SDK1: variants seen among roughly 807,000 people sequenced by gnomAD.
SDK1 encodes sidekick cell adhesion molecule 1.
SDK1 carries 157 observed loss-of-function variants against 245.5 expected under a neutral mutation model. That is an observed-to-expected ratio of 0.64 (90% confidence interval 0.56 to 0.73). The LOEUF is 0.73. SDK1 is among the 30% of genes least tolerant of loss of function. The pLI, the probability that SDK1 is intolerant of heterozygous loss-of-function variation, is 0.00. For missense variants in SDK1, 3,583 were observed against 3,002.3 expected (o/e 1.19, Z -4.52); for synonymous variants, 1,647 against 1,278.5 (o/e 1.29, Z -6.15).
rs533558471 is a variant in SDK1, at chr7:3,700,223, T to C, written c.713+58118T>C. Among the ~76,000 whole-genome samples, 3 of 152,264 alleles carry C rather than the reference T, an allele frequency of 2.0e-5. No individual in the cohort carries two copies. The South Asian group carries it at 6.2e-4, about 32-fold the overall frequency. On this transcript the variant is annotated intron_variant, in intron 4 of 44. Transcript: ENST00000404826. Reference sequence around the variant, plus strand: ...GGTAAAGGAAGCACTCCATAAACGATTTTTTATTTTTATTAAGATGAGAGT... The same window carrying C: ...GGTAAAGGAAGCACTCCATAAACGACTTTTTATTTTTATTAAGATGAGAGT...
chr7:3,671,402 A>G (rs1051516334), intron 4 of SDK1, among the ~76,000 whole-genome samples: 12 of 152,248 alleles, frequency 7.9e-5, no homozygotes, highest in African/African-American at 1.7e-4. Flanking sequence ...AAATGGAATC[A>G]ATGTACATCT....
intron 4 of SDK1, among the ~76,000 whole-genome samples, chr7:3,672,757 T>TTATATATATACATATATATA (rs3086106): frequency 4.1e-5 from 1 of 24,470 alleles, no homozygotes; most frequent in African/African-American, 2.5e-4. Flanking sequence ...TAATATATAA[T>TTATATATATACATATATATA]TTTATATATA....
At chr7:3,964,432 A>T (rs571222407) in intron 9 of SDK1, among the ~76,000 whole-genome samples, 3 of 152,196 alleles carry the variant, frequency 2.0e-5, no homozygotes, top group African/African-American at 7.2e-5. Flanking sequence ...TGAATAGATC[A>T]CTCCTAATCT....
intron 4 of SDK1, among the ~76,000 whole-genome samples, chr7:3,810,313 G>A (rs1005438589): frequency 1.3e-5 from 2 of 151,994 alleles, no homozygotes; most frequent in East Asian, 3.9e-4. Context: ...CATGTATTCC[G>A]CACATTTTGT....
Position 3,951,778 on chromosome 7 carries a change from C to T in SDK1, c.1008C>T (p.Ile336=). The change falls in exon 7 of 45, where the codon ATC becomes ATT. Residue 336 remains isoleucine, a synonymous_variant. Transcript: ENST00000404826. The part of the protein sequence containing the change: ...SVTWKRNGVR[I]TSGLHSFGRR... ...CCTGGAAGAGGAATGGAGTGAGAAT[C>T]ACCAGTGGCCTCCACAGCTTTGGAA... The T allele has an allele frequency of 8.1e-6, 13 of 1,613,926 alleles. No individual in the cohort carries two copies. Among genetic ancestry groups the T allele is most frequent in the Non-Finnish European group, 1.0e-5 (12 of 1,180,030 alleles).
intron 5 of SDK1, among the ~76,000 whole-genome samples, chr7:3,886,621 A>G (rs1189309961): frequency 2.0e-5 from 3 of 152,342 alleles, no homozygotes; most frequent in East Asian, 3.9e-4. Flanking sequence ...CCCTGCCTCA[A>G]AAGTTGGCTT....
intron 1 of SDK1, among the ~76,000 whole-genome samples, chr7:3,354,684 T>A (rs1780746565): frequency 1.3e-5 from 2 of 152,220 alleles, no homozygotes; most frequent in Admixed American, 1.3e-4. Context: ...TAATATTGAC[T>A]TTATAGGTCT....
intron 35 of SDK1, among the ~76,000 whole-genome samples, chr7:4,187,702 A>C (rs576135303): frequency 2.0e-5 from 3 of 152,382 alleles, no homozygotes; most frequent in East Asian, 1.9e-4. Context: ...GCAATTCATG[A>C]ATCAGGCAGC....
At chr7:3,503,618 A>G (rs1416526249) in intron 1 of SDK1, among the ~76,000 whole-genome samples, 4 of 152,170 alleles carry the variant, frequency 2.6e-5, no homozygotes, top group Non-Finnish European at 4.4e-5. Flanking sequence ...TTGAGGCTGC[A>G]GTACGCTATG....
chr7:3,497,235 A>G (rs1161734919), intron 1 of SDK1, among the ~76,000 whole-genome samples: 1 of 152,162 alleles, frequency 6.6e-6, no homozygotes, highest in Non-Finnish European at 1.5e-5. Context: ...TTTATTTTTT[A>G]AATTGGTTTG....
At chr7:3,453,847 T>C (rs990936153) in intron 1 of SDK1, among the ~76,000 whole-genome samples, 2 of 152,166 alleles carry the variant, frequency 1.3e-5, no homozygotes, top group Non-Finnish European at 2.9e-5. Context: ...CAAGTGATCC[T>C]CCTGCCTTGG....
chr7:3,816,333 A>C (rs953195277), intron 4 of SDK1, among the ~76,000 whole-genome samples: 2 of 150,852 alleles, frequency 1.3e-5, no homozygotes, highest in Admixed American at 6.6e-5. Flanking sequence ...GATCAACAAA[A>C]TTGATAGACC....
intron 1 of SDK1, among the ~76,000 whole-genome samples, chr7:3,611,186 A>G (rs1781576851): frequency 6.6e-6 from 1 of 152,192 alleles, no homozygotes. Flanking sequence ...GGTACATCTA[A>G]GTATATTTGA....
intron 4 of SDK1, among the ~76,000 whole-genome samples, chr7:3,766,002 T>C (rs756628814): frequency 2.0e-5 from 3 of 152,204 alleles, no homozygotes; most frequent in African/African-American, 7.2e-5. Context: ...ATACAAAGAA[T>C]TGATCACTTG....
Position 4,083,194 on chromosome 7 carries a change from G to A in SDK1, c.3324+3610G>A, listed in dbSNP as rs73671524. Among the ~76,000 whole-genome samples the A allele has an allele frequency of 3.3e-3, 498 of 152,230 alleles. 1 individual carries two copies. The highest frequency in any genetic ancestry group is 0.011 in the African/African-American group (465 of 41,504). On this transcript the variant is annotated intron_variant, in intron 22 of 44. Coordinates refer to ENST00000404826, the MANE Select transcript of SDK1 (RefSeq NM_152744.4). ...CATATACACACACCTGGGAAGCTGT[G>A]ACCACAGATGAGATAATGAACAGGT...
At chr7:3,475,656 T>A (rs1441811781) in intron 1 of SDK1, among the ~76,000 whole-genome samples, 3 of 152,172 alleles carry the variant, frequency 2.0e-5, no homozygotes, top group Non-Finnish European at 4.4e-5. Context: ...GTTTTCCCCC[T>A]CCAGATGAAA....
chr7:3,642,500 T>G (rs553571261), intron 4 of SDK1, among the ~76,000 whole-genome samples: 2 of 152,252 alleles, frequency 1.3e-5, no homozygotes, highest in South Asian at 4.2e-4. Flanking sequence ...TCCCCCTCCT[T>G]TTATTGAGCC....
At chr7:4,089,303 G>A (rs928984522) in intron 22 of SDK1, among the ~76,000 whole-genome samples, 3 of 152,218 alleles carry the variant, frequency 2.0e-5, no homozygotes, top group South Asian at 4.1e-4. Context: ...GTGTGGAGGC[G>A]CCCAGACCCC....
At chr7:4,133,124 G>C (rs1784952495) in intron 28 of SDK1, among the ~76,000 whole-genome samples, 1 of 152,334 alleles carries the variant, frequency 6.6e-6, no homozygotes, top group Non-Finnish European at 1.5e-5. Flanking sequence ...TTCTGCTGCA[G>C]CACTTGCACC....
Sources: gnomAD v4.1 joint callset for allele counts (sites outside exome capture counted in the v4.1 genomes callset) on GRCh38, gnomAD v4.1.1 for gene constraint, MANE v1.5 for transcripts, NCBI Gene and HGNC (gene_info 2026-07-23, HGNC 2026-07-21) for gene names.